Variants in ADAM7 observed in about 807,000 individuals in gnomAD.
ADAM7 encodes the protein ADAM metallopeptidase domain 7.
Under a neutral mutation model 102.9 loss-of-function variants are expected in ADAM7, and 97 were observed. That is an observed-to-expected ratio of 0.94 (90% CI 0.80 to 1.12). The LOEUF is 1.12. Among genes scored for constraint, ADAM7 ranks in the 50% most tolerant of loss-of-function variants. The pLI, the probability that ADAM7 is intolerant of heterozygous loss-of-function variation, is 0.00. For synonymous variants in ADAM7, 334 were observed against 304.4 expected (o/e 1.10, Z -1.01); for missense variants, 991 against 908.7 (o/e 1.09, Z -1.16).
chr8:24,451,866 T>C (rs1428612747), intron 3 of ADAM7, among the ~76,000 whole-genome samples: 1 of 150,664 alleles, frequency 6.6e-6, no homozygotes, highest in Admixed American at 6.6e-5. Flanking sequence ...TTCTCGTTGG[T>C]TTCAAAGAAC....
At chr8:24,493,012 T>C (rs1443660033) in intron 15 of ADAM7, 31 bp from the exon 16 acceptor site, 3 of 1,539,752 alleles carry the variant, frequency 1.9e-6, no homozygotes, top group Non-Finnish European at 2.6e-6. Context: ...TATTTCTAGT[T>C]CCAAGTTTGA....
intron 16 of ADAM7, 143 bp downstream of exon 16, chr8:24,493,372 G>T: frequency 1.4e-6 from 1 of 705,604 alleles, no homozygotes; most frequent in Non-Finnish European, 2.2e-6. Flanking sequence ...GAGGAGCAGA[G>T]TAGCAATAAC....
intron 3 of ADAM7, among the ~76,000 whole-genome samples, chr8:24,456,759 T>A (rs536146445): frequency 1.3e-5 from 2 of 152,292 alleles, no homozygotes; most frequent in African/African-American, 2.4e-5. Flanking sequence ...TTGAGATTCA[T>A]TCATGCTGCT....
Position 24,468,808 on chromosome 8 carries a change from T to C in ADAM7, c.621T>C (p.Ala207=). 6.2e-7 allele frequency: 1 copy of C among 1,613,208 alleles called. No individual in the cohort carries two copies. Among genetic ancestry groups the C allele is most frequent in the Non-Finnish European group, 8.5e-7 (1 of 1,179,590 alleles). ...DEKYVELFIV[A]DDTVYRRNGH... is the part of the protein sequence containing the mutation. The stretch of plus-strand genomic sequence containing the variant: ...AGTATGTTGAATTGTTCATTGTTGC[T>C]GATGATACTGTGGTAAGTTTTCAAT... Residue 207 remains alanine, a synonymous_variant, in exon 7 of 22, where the codon GCT becomes GCC. Transcript: ENST00000175238.
intron 20 of ADAM7, among the ~76,000 whole-genome samples, chr8:24,504,520 G>C (rs1383346803): frequency 1.3e-5 from 2 of 152,044 alleles, no homozygotes; most frequent in African/African-American, 4.8e-5. Flanking sequence ...CTGCCCATTA[G>C]GATTTAAGTC....
At chr8:24,471,459 T>G (rs1184447157) in intron 7 of ADAM7, among the ~76,000 whole-genome samples, 1 of 86,950 alleles carries the variant, frequency 1.2e-5, no homozygotes, top group East Asian at 2.1e-4. Context: ...TAAGGAAGTG[T>G]ACCAGGTTTT....
In ADAM7 at chr8:24,493,248, G is replaced by A; in HGVS notation, c.1842+19G>A. 6.4e-7 allele frequency: 1 copy of A among 1,560,498 alleles called. No homozygotes were observed. Among genetic ancestry groups the A allele is most frequent in the African/African-American group, 1.4e-5 (1 of 72,176 alleles). ...GGGAATGGTAAGACAAAAGCCCTTT[G>A]TTTTATTAAAACTTCTTAGTTCAAT... is the stretch of plus-strand genomic sequence containing the variant. On this transcript the variant is annotated intron_variant, in intron 16 of 21. Transcript: ENST00000175238.
At chr8:24,454,313 G>A (rs1455127378) in intron 3 of ADAM7, among the ~76,000 whole-genome samples, 3 of 151,054 alleles carry the variant, frequency 2.0e-5, no homozygotes, top group African/African-American at 4.9e-5. Context: ...CACCCAGTTC[G>A]AGCTTCCTGG....
At chr8:24,448,805 C>G (rs907895539) in intron 3 of ADAM7, among the ~76,000 whole-genome samples, 3 of 152,000 alleles carry the variant, frequency 2.0e-5, no homozygotes, top group African/African-American at 7.2e-5. Flanking sequence ...GCTATCCCTC[C>G]CCCAACCCCA....
rs372747188 is a variant in ADAM7, at chr8:24,463,999, C to A, written c.312+39C>A. 8 of 1,555,442 alleles carry A rather than the reference C, an allele frequency of 5.1e-6. No homozygotes were observed. The African/African-American group carries it at 6.8e-5, about 13-fold the overall frequency. ...CTTTACTGTGTCTCTTCTCTAAAAGCAGTATTTCCTGATGTGATTTTGAAA... is the reference window on the plus strand; with the variant it reads ...CTTTACTGTGTCTCTTCTCTAAAAGAAGTATTTCCTGATGTGATTTTGAAA... On this transcript the variant is annotated intron_variant, in intron 4 of 21. Transcript: ENST00000175238.
intron 20 of ADAM7, among the ~76,000 whole-genome samples, chr8:24,502,061 A>C (rs1486805568): frequency 1.3e-5 from 2 of 152,138 alleles, no homozygotes; most frequent in Non-Finnish European, 2.9e-5. Flanking sequence ...AAAGAATTGT[A>C]GCCACACAAA....
intron 3 of ADAM7, among the ~76,000 whole-genome samples, chr8:24,455,525 C>G (rs1818998980): frequency 6.6e-6 from 1 of 152,196 alleles, no homozygotes; most frequent in Admixed American, 6.5e-5. Flanking sequence ...CCTCCCACCT[C>G]AGCCTCTCAA....
chr8:24,444,009 G>C (rs1202316869), intron 2 of ADAM7, among the ~76,000 whole-genome samples: 2 of 151,048 alleles, frequency 1.3e-5, no homozygotes, highest in Non-Finnish European at 3.0e-5. Context: ...GATAAGCTTG[G>C]ATAAGGGCAA....
chr8:24,445,775 T>G (rs1447947714), intron 2 of ADAM7, among the ~76,000 whole-genome samples: 1 of 152,232 alleles, frequency 6.6e-6, no homozygotes, highest in Admixed American at 6.5e-5. Flanking sequence ...CATGATTTAC[T>G]CCTTCCCACT....
chr8:24,495,731 G>C (rs1820530457), intron 16 of ADAM7, among the ~76,000 whole-genome samples: 1 of 152,186 alleles, frequency 6.6e-6, no homozygotes, highest in Admixed American at 6.5e-5. Flanking sequence ...GAAGAGAGAT[G>C]ATTTAGGGTA....
At chr8:24,443,840 A>T (rs1203813599) in intron 2 of ADAM7, among the ~76,000 whole-genome samples, 1 of 152,066 alleles carries the variant, frequency 6.6e-6, no homozygotes, top group Non-Finnish European at 1.5e-5. Flanking sequence ...CCGGAGGCTG[A>T]GGTGAATCGC....
In ADAM7 at chr8:24,505,595, G is replaced by A. The variant is rs1306098187; in HGVS notation, c.2209-1885G>A. Among the ~76,000 whole-genome samples, 6 of 152,082 alleles carry A rather than the reference G, an allele frequency of 3.9e-5. No individual in the cohort carries two copies. The South Asian group carries it at 8.3e-4, about 21-fold the overall frequency. On this transcript the variant is annotated intron_variant, in intron 20 of 21. Transcript: ENST00000175238. ...GGTTTGGGGGAGGTCCGTCTTTGGC[G>A]TCTTTTACCTATTACGTTAATGATG...
At chr8:24,441,471 C>T (rs1012109583) in intron 1 of ADAM7, among the ~76,000 whole-genome samples, 1 of 152,186 alleles carries the variant, frequency 6.6e-6, no homozygotes, top group African/African-American at 2.4e-5. Context: ...TTAATATCTC[C>T]ACTTTACAGA....
At position 24,476,593 on chromosome 8, in the gene ADAM7, C is replaced by A. The variant is rs1819776616; in HGVS notation, c.705+89C>A. On this transcript the variant is annotated intron_variant, in intron 8 of 21. Transcript: ENST00000175238. ...GTTCTCTGCTGGACTATTGTAGTTA[C>A]CTGATATTAAGGGAGTACAAAGCAC... The A allele has an allele frequency of 2.9e-6, 3 of 1,018,468 alleles. No homozygotes were observed. The South Asian group carries it at 5.1e-5, about 17-fold the overall frequency. 63.1% of individuals were successfully genotyped at this position (1,018,468 alleles called of 1,614,324 possible).
Sources: gnomAD v4.1 joint callset for allele counts (sites outside exome capture counted in the v4.1 genomes callset) on GRCh38, gnomAD v4.1.1 for gene constraint, MANE v1.5 for transcripts, NCBI Gene and HGNC (gene_info 2026-07-23, HGNC 2026-07-21) for gene names.